RSF1: variants seen among roughly 807,000 people sequenced by gnomAD.
The protein encoded by RSF1 is HBV pX-associated protein 8.
In RSF1, 13 loss-of-function variants were observed where a neutral mutation model predicts 145.2. The ratio of observed to expected loss-of-function variants is 0.09; its 90% CI spans 0.06 to 0.14. The LOEUF is 0.14. Ranked by LOEUF, RSF1 falls within the 10% of genes least tolerant of loss-of-function variation. The pLI, the probability that RSF1 is intolerant of heterozygous loss-of-function variation, is 1.00. For synonymous variants in RSF1, 577 were observed against 592.6 expected, an observed-to-expected ratio of 0.97 and a Z score of 0.38; for missense variants, 1,517 against 1,718.2, an observed-to-expected ratio of 0.88 and a Z score of 2.07.
intron 4 of RSF1, among the ~76,000 whole-genome samples, chr11:77,735,336 G>A (rs952634509): frequency 3.3e-5 from 5 of 152,142 alleles, no homozygotes; most frequent in Non-Finnish European, 7.4e-5. Flanking sequence ...ATTTTCAGTA[G>A]ATCAACTATG....
chr11:77,741,184 GT>G (rs1383711764), intron 3 of RSF1, among the ~76,000 whole-genome samples: 3 of 152,094 alleles, frequency 2.0e-5, no homozygotes, highest in African/African-American at 7.2e-5. Context: ...CACAAATCAA[GT>G]TTTATTTCAA....
At chr11:77,793,638 T>A (rs1446239373) in intron 1 of RSF1, among the ~76,000 whole-genome samples, 4 of 152,152 alleles carry the variant, frequency 2.6e-5, no homozygotes, top group Non-Finnish European at 5.9e-5. Flanking sequence ...ATATATCAGA[T>A]ATGGATGTGA....
chr11:77,739,389 G>T (rs552926430), intron 4 of RSF1: 1 of 147,104 alleles, frequency 6.8e-6, no homozygotes, highest in East Asian at 2.0e-4. Flanking sequence ...ATAATGTCAT[G>T]AATAGATCAT....
At chr11:77,846,122 A>G in the RSF1 span, among the ~76,000 whole-genome samples, 2 of 151,614 alleles carry the variant, frequency 1.3e-5, no homozygotes, top group Non-Finnish European at 2.9e-5. Context: ...ATTTGTTCCT[A>G]TGTGGTTCTA....
upstream of RSF1, among the ~76,000 whole-genome samples, chr11:77,822,592 G>A (rs1429667988): frequency 1.3e-5 from 2 of 151,928 alleles, no homozygotes; most frequent in East Asian, 3.9e-4. Flanking sequence ...TTAAAAAGGG[G>A]AAAAACCATA....
the RSF1 span, among the ~76,000 whole-genome samples, chr11:77,839,555 A>G: frequency 4.3e-4 from 65 of 152,334 alleles, no homozygotes; most frequent in Non-Finnish European, 8.7e-4. Context: ...AATAGCGAAG[A>G]CATGGAATCA....
At chr11:77,805,882 G>T (rs1167249506) in intron 1 of RSF1, among the ~76,000 whole-genome samples, 1 of 152,092 alleles carries the variant, frequency 6.6e-6, no homozygotes, top group African/African-American at 2.4e-5. Flanking sequence ...CTCAGTAAAT[G>T]GAACTACTAA....
intron 1 of RSF1, among the ~76,000 whole-genome samples, chr11:77,768,080 A>C (rs1948244270): frequency 6.6e-6 from 1 of 152,120 alleles, no homozygotes; most frequent in Admixed American, 6.5e-5. Context: ...TATTATAAAA[A>C]GTAAAAAGAG....
At chr11:77,841,282 G>T in the RSF1 span, 3 of 701,320 alleles carry the variant, frequency 4.3e-6, no homozygotes, top group African/African-American at 5.2e-5. Flanking sequence ...GTTTGGAAGG[G>T]TGCAGACATT....
chr11:77,705,152 A>G (rs373228254), intron 5 of RSF1, among the ~76,000 whole-genome samples: 1 of 152,220 alleles, frequency 6.6e-6, no homozygotes, highest in Non-Finnish European at 1.5e-5. Context: ...AGGAAGAACT[A>G]GGACAGAATA....
intron 5 of RSF1, among the ~76,000 whole-genome samples, chr11:77,705,183 T>C (rs924155426): frequency 3.9e-5 from 6 of 152,196 alleles, no homozygotes; most frequent in Non-Finnish European, 8.8e-5. Context: ...AGCACTATAA[T>C]AATTAGTAAA....
intron 5 of RSF1, among the ~76,000 whole-genome samples, chr11:77,715,505 T>C (rs917958302): frequency 6.6e-6 from 1 of 152,224 alleles, no homozygotes; most frequent in Non-Finnish European, 1.5e-5. Context: ...TGGAGTGCAG[T>C]AGCGCAATCT....
At chr11:77,719,072 C>A (rs942023852) in intron 5 of RSF1, among the ~76,000 whole-genome samples, 1 of 151,976 alleles carries the variant, frequency 6.6e-6, no homozygotes, top group Non-Finnish European at 1.5e-5. Context: ...CATAGTGAGA[C>A]CCTGTCTCTA....
chr11:77,731,551 C>A (rs1269963145), intron 4 of RSF1, among the ~76,000 whole-genome samples: 2 of 152,238 alleles, frequency 1.3e-5, no homozygotes, highest in Non-Finnish European at 2.9e-5. Context: ...TGTCAGAGGT[C>A]TTCACGGCAG....
At chr11:77,787,988 A>T (rs1328316271) in intron 1 of RSF1, among the ~76,000 whole-genome samples, 1 of 150,824 alleles carries the variant, frequency 6.6e-6, no homozygotes, top group Non-Finnish European at 1.5e-5. Context: ...AAAATACAAA[A>T]AATATTTGTC....
At chr11:77,865,487 A>C in the RSF1 span, among the ~76,000 whole-genome samples, 2 of 152,252 alleles carry the variant, frequency 1.3e-5, no homozygotes, top group Admixed American at 6.5e-5. Context: ...GCTCATGCCA[A>C]ACCTATATAT....
chr11:77,749,990 GC>G (rs1948044432), intron 2 of RSF1, among the ~76,000 whole-genome samples: 1 of 151,822 alleles, frequency 6.6e-6, no homozygotes, highest in South Asian at 2.1e-4. Context: ...CTTGCGATTC[GC>G]CTGGCTTGGC....
the RSF1 span, among the ~76,000 whole-genome samples, chr11:77,834,757 A>C: frequency 6.6e-6 from 1 of 152,114 alleles, no homozygotes; most frequent in Non-Finnish European, 1.5e-5. Context: ...CTAGGAAAAG[A>C]CTGAATAAGT....
At chr11:77,807,626 G>C (rs1261487501) in intron 1 of RSF1, among the ~76,000 whole-genome samples, 3 of 152,162 alleles carry the variant, frequency 2.0e-5, no homozygotes, top group Non-Finnish European at 4.4e-5. Context: ...CATAAATATA[G>C]AGTTTAAAAC....
Sources: gnomAD v4.1 joint callset for allele counts (sites outside exome capture counted in the v4.1 genomes callset) on GRCh38, gnomAD v4.1.1 for gene constraint, MANE v1.5 for transcripts, NCBI Gene and HGNC (gene_info 2026-07-23, HGNC 2026-07-21) for gene names.